The following COL25A1 variants were observed in gnomAD, a reference collection of about 807,000 sequenced individuals.
COL25A1 encodes the protein collagen alpha-1(XXV) chain.
COL25A1 carries 103 observed loss-of-function variants against 128.4 expected under a neutral mutation model. The ratio of observed to expected loss-of-function variants is 0.80; its 90% confidence interval spans 0.68 to 0.94. The LOEUF (loss-of-function observed/expected upper bound fraction) is 0.94, where lower values mean the gene tolerates loss of function less well. Ranked by LOEUF, COL25A1 falls within the 40% of genes least tolerant of loss-of-function variation. COL25A1 has a pLI of 0.00. For missense variants in COL25A1, 745 were observed against 840.0 expected, an observed-to-expected ratio of 0.89 and a Z score of 1.40; for synonymous variants, 279 against 277.2, an observed-to-expected ratio of 1.01 and a Z score of -0.06.
chr4:108,967,362 A>G (rs1751430832), intron 8 of COL25A1, among the ~76,000 whole-genome samples: 1 of 152,190 alleles, frequency 6.6e-6, no homozygotes, highest in African/African-American at 2.4e-5. Context: ...AGTCTTGTTC[A>G]CTGAAAACAG....
chr4:109,055,683 A>G (rs927847145), intron 3 of COL25A1, among the ~76,000 whole-genome samples: 2 of 152,224 alleles, frequency 1.3e-5, no homozygotes, highest in African/African-American at 4.8e-5. Context: ...CTGTAAGCTC[A>G]TGAAGGGAGA....
intron 3 of COL25A1, among the ~76,000 whole-genome samples, chr4:109,256,978 T>C (rs1172149054): frequency 6.6e-6 from 1 of 152,120 alleles, no homozygotes; most frequent in Non-Finnish European, 1.5e-5. Context: ...CCTTAACAAT[T>C]TTATCTAGGC....
At chr4:108,817,107 G>A (rs1242862804) in intron 37 of COL25A1, among the ~76,000 whole-genome samples, 1 of 152,116 alleles carries the variant, frequency 6.6e-6, no homozygotes, top group Non-Finnish European at 1.5e-5. Flanking sequence ...TAAACATTAG[G>A]AAGACAAAGA....
At chr4:108,844,432 C>A (rs1223203076) in intron 30 of COL25A1, 87 bp downstream of exon 30, 2 of 1,609,788 alleles carry the variant, frequency 1.2e-6, no homozygotes, top group Non-Finnish European at 1.7e-6. Context: ...AAAATACAAG[C>A]TGGCTGTTTA....
chr4:108,935,151 C>T (rs1214944994), intron 11 of COL25A1, among the ~76,000 whole-genome samples: 1 of 152,024 alleles, frequency 6.6e-6, no homozygotes, highest in East Asian at 1.9e-4. Flanking sequence ...TTTAAACAAG[C>T]TGTGAAAGCC....
chr4:109,187,203 AC>A (rs1204542904), intron 3 of COL25A1, among the ~76,000 whole-genome samples: 5 of 19,858 alleles, frequency 2.5e-4, no homozygotes, highest in Admixed American at 1.3e-3. Context: ...TGCTCTCTAC[AC>A]ACACACACAC....
intron 1 of COL25A1, 43 bp from the exon 2 acceptor site, chr4:109,302,118 C>A: frequency 7.1e-7 from 1 of 1,408,644 alleles, no homozygotes; most frequent in East Asian, 2.5e-5. Context: ...AGTTCAGTCC[C>A]TGTGGCTGCA....
At chr4:109,272,474 G>C (rs548359863) in intron 3 of COL25A1, among the ~76,000 whole-genome samples, 1 of 152,290 alleles carries the variant, frequency 6.6e-6, no homozygotes, top group East Asian at 1.9e-4. Flanking sequence ...GTATAGAACA[G>C]AGGGAATTAT....
rs1760869035 is a variant in COL25A1 at position 109,050,313 on chromosome 4, A to G, written c.368-134T>C. ...TTCAAGAAAGGGATCAGATATTTGT[A>G]AAGGTCAGTATTGTCTTTAGTGTTT... On this transcript the variant is annotated intron_variant, in intron 3 of 37. Coordinates refer to ENST00000399132, the MANE Select transcript of COL25A1 (RefSeq NM_198721.4). 3 of 645,900 alleles carry G rather than the reference A, an allele frequency of 4.6e-6. No homozygotes were observed. In the South Asian group the frequency reaches 7.1e-5, roughly 15 times the overall value. 40.0% of individuals were successfully genotyped at this position (645,900 alleles called of 1,614,324 possible).
intron 3 of COL25A1, among the ~76,000 whole-genome samples, chr4:109,288,955 TTA>T (rs746459430): frequency 0.034 from 4,286 of 124,620 alleles, 155 homozygotes; most frequent in African/African-American, 0.09. Context: ...GAATACTAAA[TTA>T]TATATACACA....
intron 3 of COL25A1, among the ~76,000 whole-genome samples, chr4:109,233,677 A>G (rs896373695): frequency 4.6e-5 from 7 of 152,142 alleles, no homozygotes; most frequent in Non-Finnish European, 1.0e-4. Flanking sequence ...TAATACTGAC[A>G]TACTTCACAA....
At chr4:108,996,708 T>G (rs187920991) in intron 6 of COL25A1, among the ~76,000 whole-genome samples, 225 of 152,240 alleles carry the variant, frequency 1.5e-3, no homozygotes, top group Non-Finnish European at 2.5e-3. Flanking sequence ...TATTCCAAAA[T>G]TAACCACATA....
At position 109,149,896 on chromosome 4, in the gene COL25A1, A is replaced by C. The variant is rs1771303666; in HGVS notation, c.368-99717T>G. ...CCATTTCTAGGTTCACACCTAATTA[A>C]ATTTTCTGGATTGGTAGTTTTTTGG... is the stretch of plus-strand genomic sequence containing the variant. On this transcript the variant is annotated intron_variant, in intron 3 of 37. Transcript: ENST00000399132. Among the ~76,000 whole-genome samples the C allele has an allele frequency of 6.6e-5, 10 of 151,910 alleles. No homozygotes were observed. The South Asian group carries it at 2.1e-3, about 32-fold the overall frequency.
chr4:109,182,798 G>C (rs1774784586), intron 3 of COL25A1, among the ~76,000 whole-genome samples: 1 of 152,106 alleles, frequency 6.6e-6, no homozygotes, highest in South Asian at 2.1e-4. Flanking sequence ...ATAGAGCCCT[G>C]GTGTCTACCC....
intron 3 of COL25A1, among the ~76,000 whole-genome samples, chr4:109,123,055 G>T (rs886906829): frequency 3.3e-5 from 5 of 152,062 alleles, no homozygotes; most frequent in Non-Finnish European, 7.4e-5. Flanking sequence ...CAAAAGCTAT[G>T]CAAGGAGAAT....
At chr4:109,107,190 A>T (rs1245017131) in intron 3 of COL25A1, among the ~76,000 whole-genome samples, 1 of 152,218 alleles carries the variant, frequency 6.6e-6, no homozygotes, top group Non-Finnish European at 1.5e-5. Flanking sequence ...AAGTAATATT[A>T]AAGAAAACTA....
intron 3 of COL25A1, among the ~76,000 whole-genome samples, chr4:109,072,649 C>T (rs1018805282): frequency 1.3e-5 from 2 of 152,198 alleles, no homozygotes; most frequent in African/African-American, 4.8e-5. Flanking sequence ...GACTCACCCA[C>T]ATTCTTAGCT....
chr4:109,140,618 GTT>G (rs1186730860), intron 3 of COL25A1, among the ~76,000 whole-genome samples: 3 of 152,094 alleles, frequency 2.0e-5, no homozygotes, highest in African/African-American at 7.2e-5. Flanking sequence ...TTGAGCAGTG[GTT>G]TGTAGTTCTC....
intron 31 of COL25A1, among the ~76,000 whole-genome samples, chr4:108,833,800 T>C (rs1189742590): frequency 6.6e-6 from 1 of 152,154 alleles, no homozygotes; most frequent in Non-Finnish European, 1.5e-5. Flanking sequence ...AAATACTGAG[T>C]ATCTGTAGCT....
Sources: gnomAD v4.1 joint callset for allele counts (sites outside exome capture counted in the v4.1 genomes callset) on GRCh38, gnomAD v4.1.1 for gene constraint, MANE v1.5 for transcripts, NCBI Gene and HGNC (gene_info 2026-07-23, HGNC 2026-07-21) for gene names.